WWOX: variants seen among roughly 807,000 people sequenced by gnomAD.
WWOX encodes the protein WW domain containing oxidoreductase, also known as WW domain-containing oxidoreductase.
WWOX carries 69 observed loss-of-function variants against 46.2 expected under a neutral mutation model. The observed-to-expected ratio is 1.49, with a 90% CI of 1.23 to 1.82. The LOEUF is 1.82. Ranked by LOEUF, WWOX falls within the 40% of genes most tolerant of loss-of-function variation. WWOX has a pLI of 0.00. For synonymous variants in WWOX, 359 were observed against 202.6 expected (o/e 1.77, Z -6.56); for missense variants, 919 against 542.6 (o/e 1.69, Z -6.89).
chr16:78,529,435 G>A (rs536266976), intron 8 of WWOX, among the ~76,000 whole-genome samples: 198 of 151,934 alleles, frequency 1.3e-3, no homozygotes, highest in African/African-American at 4.6e-3. Flanking sequence ...GGGTCCCGTG[G>A]GCTCTTTCTG....
At chr16:78,683,196 A>G (rs1354251519) in intron 8 of WWOX, among the ~76,000 whole-genome samples, 1 of 152,084 alleles carries the variant, frequency 6.6e-6, no homozygotes, top group East Asian at 1.9e-4. Context: ...TTTTTTTTAA[A>G]TTCATTTTTA....
intron 5 of WWOX, among the ~76,000 whole-genome samples, chr16:78,341,487 T>C (rs909471121): frequency 8.3e-6 from 1 of 120,932 alleles, no homozygotes; most frequent in Non-Finnish European, 2.0e-5. Flanking sequence ...TAGACGTGAG[T>C]ATTATGTTTT....
chr16:78,132,912 A>T (rs1018296957), intron 4 of WWOX, among the ~76,000 whole-genome samples: 4 of 152,176 alleles, frequency 2.6e-5, no homozygotes, highest in Non-Finnish European at 4.4e-5. Context: ...GGCAGCTGCA[A>T]AGCACAGTAT....
At chr16:78,498,078 G>A (rs1435211410) in intron 8 of WWOX, among the ~76,000 whole-genome samples, 5 of 151,804 alleles carry the variant, frequency 3.3e-5, no homozygotes, top group East Asian at 1.9e-4. Context: ...GGTGGCGGGC[G>A]CCTGTAGTCC....
At chr16:78,856,611 C>G (rs138951889) in intron 8 of WWOX, among the ~76,000 whole-genome samples, 50 of 152,158 alleles carry the variant, frequency 3.3e-4, no homozygotes, top group African/African-American at 1.1e-3. Flanking sequence ...CCACTGCACT[C>G]CAGCGTGGGT....
chr16:78,624,705 C>T (rs2046271484), intron 8 of WWOX, among the ~76,000 whole-genome samples: 1 of 152,158 alleles, frequency 6.6e-6, no homozygotes. Context: ...AGTTGCCTTT[C>T]ATGAACATAA....
intron 8 of WWOX, among the ~76,000 whole-genome samples, chr16:78,446,687 G>T (rs5019139): frequency 0.11 from 10,578 of 95,638 alleles, 605 homozygotes; most frequent in African/African-American, 0.31. Context: ...TTTTTGAGGT[G>T]GAATCTCCTG....
chr16:78,745,497 C>G (rs183952391), intron 8 of WWOX, among the ~76,000 whole-genome samples: 1 of 149,354 alleles, frequency 6.7e-6, no homozygotes, highest in Non-Finnish European at 1.5e-5. Flanking sequence ...GGGGGTCACT[C>G]CATAGAGAGG....
At chr16:78,511,403 CAA>C (rs2085357277) in intron 8 of WWOX, among the ~76,000 whole-genome samples, 1 of 152,062 alleles carries the variant, frequency 6.6e-6, no homozygotes, top group South Asian at 2.1e-4. Context: ...CAGCTGAAAA[CAA>C]AAAGGGAACA....
chr16:78,981,382 T>C (rs2046678678), intron 8 of WWOX, among the ~76,000 whole-genome samples: 1 of 151,470 alleles, frequency 6.6e-6, no homozygotes, highest in Non-Finnish European at 1.5e-5. Context: ...ACACGGACAA[T>C]GTGGGCAGCT....
At chr16:78,257,090 C>T (rs1597409136) in intron 5 of WWOX, among the ~76,000 whole-genome samples, 1 of 152,074 alleles carries the variant, frequency 6.6e-6, no homozygotes, top group Admixed American at 6.6e-5. Context: ...AACTTCTTAA[C>T]CACATACAGG....
chr16:78,524,254 T>C (rs531208150), intron 8 of WWOX, among the ~76,000 whole-genome samples: 14 of 152,294 alleles, frequency 9.2e-5, no homozygotes, highest in Admixed American at 3.9e-4. Context: ...GTGACTAATA[T>C]TAGAAGCAGA....
intron 8 of WWOX, among the ~76,000 whole-genome samples, chr16:78,983,147 A>T (rs548427358): frequency 3.9e-5 from 6 of 152,318 alleles, no homozygotes; most frequent in Non-Finnish European, 8.8e-5. Context: ...CCACCAAGGC[A>T]TCAAACTCCA....
At chr16:78,746,498 G>C (rs2049350156) in intron 8 of WWOX, among the ~76,000 whole-genome samples, 1 of 152,020 alleles carries the variant, frequency 6.6e-6, no homozygotes, top group Admixed American at 6.6e-5. Flanking sequence ...GCCTGCTAAA[G>C]TGCATTGTAG....
intron 8 of WWOX, among the ~76,000 whole-genome samples, chr16:79,173,328 CTT>C (rs2050738455): frequency 6.6e-6 from 1 of 152,036 alleles, no homozygotes; most frequent in African/African-American, 2.4e-5. Flanking sequence ...CGTAAAAACA[CTT>C]TGTATGTTTG....
In WWOX at chr16:78,349,391, A is replaced by C. The variant is rs144089446; in HGVS notation, c.517-37469A>C. ...TTTGGGGAAACAGAATCCAGCTAAC[A>C]ACAGTTGGGGATGAGGCTATAACGA... On this transcript the variant is annotated intron_variant, in intron 5 of 8. Transcript: ENST00000566780. Among the ~76,000 whole-genome samples, 11 of 121,004 alleles carry C rather than the reference A, an allele frequency of 9.1e-5. No individual in the cohort carries two copies. In the East Asian group the frequency reaches 1.7e-3, roughly 19 times the overall value. The allele number at this position is 121,004 out of a possible 152,430, so 79.4% of individuals were successfully genotyped here.
chr16:78,489,119 A>G (rs1443944870), intron 8 of WWOX, among the ~76,000 whole-genome samples: 17 of 152,238 alleles, frequency 1.1e-4, no homozygotes, highest in Admixed American at 2.0e-4. Flanking sequence ...TAGCAGATCA[A>G]TAGTGAAAGC....
At chr16:78,987,975 T>C (rs779031463) in intron 8 of WWOX, among the ~76,000 whole-genome samples, 8 of 151,948 alleles carry the variant, frequency 5.3e-5, no homozygotes, top group Non-Finnish European at 5.9e-5. Flanking sequence ...AATTGAGTAA[T>C]TTCAAGAAAT....
At chr16:78,547,632 C>G (rs1237481815) in intron 8 of WWOX, among the ~76,000 whole-genome samples, 3 of 152,102 alleles carry the variant, frequency 2.0e-5, no homozygotes, top group Non-Finnish European at 4.4e-5. Flanking sequence ...GTTCTTGAGG[C>G]TGGGAAGTCC....
Sources: allele counts gnomAD v4.1 joint callset (sites outside exome capture counted in the v4.1 genomes callset), GRCh38; gene constraint gnomAD v4.1.1; transcripts MANE v1.5; gene names NCBI Gene and HGNC (gene_info 2026-07-23, HGNC 2026-07-21).